Variants in RCN3 observed in about 807,000 individuals in gnomAD.
The protein encoded by RCN3 is reticulocalbin-3.
In RCN3, 41 loss-of-function variants were observed where a neutral mutation model predicts 35.9. That is an observed-to-expected ratio of 1.14 (90% CI 0.89 to 1.48). The LOEUF (loss-of-function observed/expected upper bound fraction) is 1.48, where lower values mean the gene tolerates loss of function less well. RCN3 is among the 40% of genes most tolerant of loss of function. The pLI is 0.00. For missense variants in RCN3, 451 were observed against 471.3 expected, an observed-to-expected ratio of 0.96 and a Z score of 0.40; for synonymous variants, 187 against 193.4, an observed-to-expected ratio of 0.97 and a Z score of 0.27.
chr19:49,542,659 T>C lies in RCN3; in HGVS notation c.786T>C (p.Asp262=), dbSNP rs34459162. ...ATCTGAACAAGGATGGGCACCTGGA[T>C]GGGAGTGAGGTGGGCCACTGGGTGC... ...FRDLNKDGHL[D]GSEVGHWVLP... Residue 262 remains aspartate (D), a synonymous_variant, in exon 6 of 7, where the codon GAT becomes GAC. Coordinates refer to ENST00000270645, the MANE Select transcript of RCN3 (RefSeq NM_020650.3). 130,900 of 1,602,054 alleles carry C rather than the reference T, an allele frequency of 0.082. 6,521 individuals are homozygous for C. Among genetic ancestry groups the C allele is most frequent in the African/African-American group, 0.21 (15,607 of 74,890 alleles).
rs1485375663 is a variant in RCN3 at position 49,534,389 on chromosome 19, G to A, written c.439G>A (p.Ala147Thr). 3 of 1,538,560 alleles carry A rather than the reference G, an allele frequency of 1.9e-6. No homozygotes were observed. The highest frequency in any genetic ancestry group is 2.5e-5 in the East Asian group (1 of 40,082). Residue 147 changes from alanine (A) to threonine (T), a missense_variant, in exon 3 of 7, where the codon GCG becomes ACG. Coordinates refer to ENST00000270645, the MANE Select transcript of RCN3 (RefSeq NM_020650.3). ...GCGCAACGCCACCTATGGCCACTAC[G>A]CGCCCGGTACGCGGCGAGCCCCCGA... ...ELRNATYGHY[A>T]PGEEFHDVED...
chr19:49,542,985 G>C (rs557142923), intron 6 of RCN3, 121 bp from the exon 7 acceptor site: 20 of 898,598 alleles, frequency 2.2e-5, no homozygotes, highest in Non-Finnish European at 3.6e-5. Flanking sequence ...CAGATTCAGA[G>C]AGAAAGGGAC....
chr19:49,538,298 G>T (rs2080146692), intron 4 of RCN3, among the ~76,000 whole-genome samples: 1 of 151,788 alleles, frequency 6.6e-6, no homozygotes, highest in East Asian at 1.9e-4. Flanking sequence ...GAGTGGCTGG[G>T]ACTACAGGCG....
chr19:49,533,955 G>A (rs1231123151), intron 2 of RCN3, among the ~76,000 whole-genome samples: 2 of 152,080 alleles, frequency 1.3e-5, no homozygotes, highest in African/African-American at 2.4e-5. Flanking sequence ...GCTCCCAGCA[G>A]GCCCGCTCGT....
intron 2 of RCN3, among the ~76,000 whole-genome samples, chr19:49,529,176 G>A (rs1214596164): frequency 1.4e-5 from 2 of 147,890 alleles, no homozygotes; most frequent in African/African-American, 2.6e-5. Context: ...GTGAGACTCC[G>A]TCTAAAAAAC....
intron 5 of RCN3, among the ~76,000 whole-genome samples, chr19:49,540,250 A>G (rs767208241): frequency 6.6e-6 from 1 of 152,060 alleles, no homozygotes; most frequent in East Asian, 1.9e-4. Context: ...GGCTCAAGCA[A>G]TCTTCCCACC....
At chr19:49,535,971 A>G (rs1187648156) in intron 3 of RCN3, among the ~76,000 whole-genome samples, 3 of 148,440 alleles carry the variant, frequency 2.0e-5, no homozygotes, top group African/African-American at 7.4e-5. Flanking sequence ...TACAAATTAT[A>G]TATAAAGTAT....
In RCN3 at chr19:49,528,637, C is replaced by T. The variant is rs199527609; in HGVS notation, c.165C>T (p.Asp55=). 5 of 1,612,250 alleles carry T rather than the reference C, an allele frequency of 3.1e-6. No individual in the cohort carries two copies. In the South Asian group the frequency reaches 5.5e-5, roughly 18 times the overall value. ...HDDAHGNFQY[D]HEAFLGREVA... ...ACGCCCACGGGAACTTCCAGTACGACCATGAGGCTTTCCTGGGACGGGAAG... is the reference window on the plus strand; with the variant it reads ...ACGCCCACGGGAACTTCCAGTACGATCATGAGGCTTTCCTGGGACGGGAAG... Residue 55 remains aspartate (D), a synonymous_variant, in exon 2 of 7, where the codon GAC becomes GAT. Transcript: ENST00000270645.
chr19:49,540,207 C>T (rs984446969), intron 5 of RCN3, among the ~76,000 whole-genome samples: 1 of 151,992 alleles, frequency 6.6e-6, no homozygotes, highest in Non-Finnish European at 1.5e-5. Flanking sequence ...GATGGGTTCT[C>T]ACTATATTGT....
At chr19:49,534,487 G>A (rs2080125411) in intron 3 of RCN3, 92 bp downstream of exon 3, 5 of 1,356,190 alleles carry the variant, frequency 3.7e-6, no homozygotes, top group African/African-American at 1.5e-5. Context: ...CCATTTACCC[G>A]GAGTCCCTGG....
intron 4 of RCN3, 124 bp downstream of exon 4, chr19:49,537,329 G>T: frequency 1.0e-6 from 1 of 979,960 alleles, no homozygotes. Flanking sequence ...GCATCTTGCC[G>T]GGGAAGCCAG....
At chr19:49,528,746 G>T (rs1216533797) in intron 2 of RCN3, 32 bp downstream of exon 2, 3 of 1,526,770 alleles carry the variant, frequency 2.0e-6, no homozygotes, top group Non-Finnish European at 2.6e-6. Context: ...GGCGTGTCCA[G>T]AGGTGGGGCT....
In RCN3 at chr19:49,543,229, C is replaced by G; in HGVS notation, c.*16C>G. The G allele has an allele frequency of 6.3e-7, 1 of 1,599,254 alleles. No homozygotes were observed. The highest frequency in any genetic ancestry group is 8.6e-7 in the Non-Finnish European group (1 of 1,168,078). ...TGAGCTGTGAGCACCGCGCACCTGC[C>G]ACAGCCTCAGAGGCCCGCACAATGA... On this transcript the variant is annotated 3_prime_UTR_variant, in exon 7 of 7. Transcript: ENST00000270645.
chr19:49,530,843 G>A (rs1186746079), intron 2 of RCN3, among the ~76,000 whole-genome samples: 1 of 152,168 alleles, frequency 6.6e-6, no homozygotes, highest in Non-Finnish European at 1.5e-5. Flanking sequence ...TCCATGAGAA[G>A]GTGGTATGTG....
At chr19:49,528,209 G>C in intron 1 of RCN3, 151 bp downstream of exon 1, 1 of 418,156 alleles carries the variant, frequency 2.4e-6, no homozygotes, top group Non-Finnish European at 4.2e-6. Flanking sequence ...CGCCACGTCT[G>C]TCTCTGTAAT....
rs1251570745 is a variant in RCN3, at chr19:49,537,201, T to C, written c.614T>C (p.Ile205Thr). 6.0e-6 allele frequency: 9 copies of C among 1,510,266 alleles called. No homozygotes were observed. Among genetic ancestry groups the C allele is most frequent in the Middle Eastern group, 1.8e-4 (1 of 5,416 alleles). The allele number at this position is 1,510,266 out of a possible 1,614,324, so 93.6% of individuals were successfully genotyped here. A position where few individuals can be genotyped will look rare whatever the true frequency, so the allele number is the denominator to read the frequency against. Residue 205 changes from isoleucine (I) to threonine (T), a missense_variant, in exon 4 of 7, where the codon ATT becomes ACT. Physicochemically the swap from Ile to Thr is moderately conservative, Grantham distance 89. Transcript: ENST00000270645. Reference protein sequence around the residue: ...EEFPHMRDIVIAETLEDLDRN... With the variant: ...EEFPHMRDIVTAETLEDLDRN... ...TTCCCTCACATGCGGGACATCGTGA[T>C]TGCTGTGAGTGGCGGCTGGGGAACC... is the stretch of plus-strand genomic sequence containing the variant.
At chr19:49,540,922 G>A (rs2080159961) in intron 5 of RCN3, among the ~76,000 whole-genome samples, 1 of 148,968 alleles carries the variant, frequency 6.7e-6, no homozygotes, top group Admixed American at 6.8e-5. Context: ...GCCAGCAGCT[G>A]TCCCCATCTC....
At position 49,536,447 on chromosome 19, in the gene RCN3, C is replaced by T. The variant is rs1471094718; in HGVS notation, c.446-586C>T. 2.7e-5 allele frequency among the ~76,000 whole-genome samples: 4 copies of T among 150,468 alleles called. No homozygotes were observed. In the Admixed American group the frequency reaches 2.7e-4, roughly 10 times the overall value. ...TCACGAGTAGCTAGGACTACAGGCG[C>T]CCACCACCATGCCAGGCAAATTTTT... On this transcript the variant is annotated intron_variant, in intron 3 of 6. Transcript: ENST00000270645.
chr19:49,529,930 ATTT>A (rs965207912), intron 2 of RCN3, among the ~76,000 whole-genome samples: 2 of 114,132 alleles, frequency 1.8e-5, no homozygotes, highest in African/African-American at 7.3e-5. Context: ...CTAATTTTGT[ATTT>A]TTATTTTTTA....
Sources: allele counts gnomAD v4.1 joint callset (sites outside exome capture counted in the v4.1 genomes callset), GRCh38; gene constraint gnomAD v4.1.1; transcripts MANE v1.5; gene names NCBI Gene and HGNC (gene_info 2026-07-23, HGNC 2026-07-21).